The following ADAMTSL1 variants were observed in gnomAD, a reference collection of about 807,000 sequenced individuals.
The protein encoded by ADAMTSL1 is ADAMTS like 1, also known as ADAMTS-like protein 1.
A neutral mutation model predicts 201.8 loss-of-function variants in ADAMTSL1; 126 were observed. That is an observed-to-expected ratio of 0.62 (90% CI 0.54 to 0.72). The LOEUF is 0.72. Ranked by LOEUF, ADAMTSL1 falls within the 30% of genes least tolerant of loss-of-function variation. ADAMTSL1 has a pLI of 0.00. For missense variants in ADAMTSL1, 2,679 were observed against 2,277.8 expected (o/e 1.18, Z -3.59); for synonymous variants, 1,121 against 903.4 (o/e 1.24, Z -4.32).
At chr9:18,708,875 G>A (rs1832386398) in intron 14 of ADAMTSL1, among the ~76,000 whole-genome samples, 1 of 152,154 alleles carries the variant, frequency 6.6e-6, no homozygotes, top group Non-Finnish European at 1.5e-5. Flanking sequence ...TAACCATTCT[G>A]CTGACCAACC....
At chr9:18,028,354 A>G (rs563150092) in intron 1 of ADAMTSL1, among the ~76,000 whole-genome samples, 27 of 152,208 alleles carry the variant, frequency 1.8e-4, no homozygotes, top group Admixed American at 1.8e-3. Flanking sequence ...TAGTGGAAAC[A>G]AATTCACTTA....
intron 2 of ADAMTSL1, among the ~76,000 whole-genome samples, chr9:18,349,657 T>C (rs1835877663): frequency 6.6e-6 from 1 of 152,156 alleles, no homozygotes; most frequent in Non-Finnish European, 1.5e-5. Flanking sequence ...CTCTACCAGC[T>C]TTAGAAAATT....
intron 4 of ADAMTSL1, among the ~76,000 whole-genome samples, chr9:18,611,073 A>G (rs746718195): frequency 6.6e-6 from 1 of 152,170 alleles, no homozygotes; most frequent in Non-Finnish European, 1.5e-5. Context: ...ACCAGCTGCT[A>G]TCCTGTCTTC....
At chr9:18,702,077 G>C (rs547558483) in intron 13 of ADAMTSL1, among the ~76,000 whole-genome samples, 1 of 152,114 alleles carries the variant, frequency 6.6e-6, no homozygotes, top group Non-Finnish European at 1.5e-5. Context: ...AAGAGAGCTC[G>C]TGCAGAGAAA....
Position 17,976,053 on chromosome 9 carries a change from C to T in ADAMTSL1, c.87+69131C>T, listed in dbSNP as rs1818433498. On this transcript the variant is annotated intron_variant, in intron 1 of 29. Coordinates refer to the ADAMTSL1 transcript ENST00000680146. ...GTATATGTGTGAATTTATTTCTGGG[C>T]TCTCTGTCCATTCTGATCCTTTGGT... 2.6e-5 allele frequency among the ~76,000 whole-genome samples: 4 copies of T among 151,976 alleles called. No individual in the cohort carries two copies. In the South Asian group the frequency reaches 6.2e-4, roughly 24 times the overall value.
At chr9:18,137,920 C>G (rs1826226125) in intron 1 of ADAMTSL1, among the ~76,000 whole-genome samples, 1 of 152,072 alleles carries the variant, frequency 6.6e-6, no homozygotes, top group East Asian at 1.9e-4. Flanking sequence ...GTAAATCTTG[C>G]TAGGGAGAGT....
intron 19 of ADAMTSL1, among the ~76,000 whole-genome samples, chr9:18,794,864 A>T (rs1439252155): frequency 4.0e-5 from 6 of 150,610 alleles, no homozygotes; most frequent in East Asian, 2.0e-4. Flanking sequence ...CTGTTCTTGA[A>T]CTCCTGGTCT....
chr9:18,726,347 A>G (rs1306828880), intron 15 of ADAMTSL1, among the ~76,000 whole-genome samples: 1 of 152,046 alleles, frequency 6.6e-6, no homozygotes, highest in East Asian at 1.9e-4. Context: ...TATAAAAAAT[A>G]CAAAAATTAG....
chr9:18,507,442 C>G (rs11789527), intron 2 of ADAMTSL1, among the ~76,000 whole-genome samples: 1 of 151,952 alleles, frequency 6.6e-6, no homozygotes, highest in African/African-American at 2.4e-5. Context: ...ATAATAATAC[C>G]AAATAAGTAT....
chr9:18,900,947 G>A (rs1829981617), intron 26 of ADAMTSL1, among the ~76,000 whole-genome samples: 1 of 152,064 alleles, frequency 6.6e-6, no homozygotes, highest in African/African-American at 2.4e-5. Context: ...CAAAGACTTG[G>A]TAATGTAAAA....
At chr9:18,141,630 G>A (rs1465566541) in intron 1 of ADAMTSL1, among the ~76,000 whole-genome samples, 1 of 152,122 alleles carries the variant, frequency 6.6e-6, no homozygotes, top group African/African-American at 2.4e-5. Context: ...CAAGGTTGGT[G>A]GCCTGCTCTT....
chr9:18,814,976 T>C (rs1229581511), intron 20 of ADAMTSL1, among the ~76,000 whole-genome samples: 1 of 152,156 alleles, frequency 6.6e-6, no homozygotes, highest in Non-Finnish European at 1.5e-5. Flanking sequence ...TCACTAATCT[T>C]CAGAGAAATG....
chr9:18,656,731 G>A (rs1010597174), intron 7 of ADAMTSL1, among the ~76,000 whole-genome samples: 1 of 151,286 alleles, frequency 6.6e-6, no homozygotes, highest in African/African-American at 2.4e-5. Flanking sequence ...TTGTTGTAAT[G>A]TAGAGTAAGA....
At chr9:18,452,128 G>T (rs936566777) in intron 2 of ADAMTSL1, among the ~76,000 whole-genome samples, 1 of 151,986 alleles carries the variant, frequency 6.6e-6, no homozygotes, top group African/African-American at 2.4e-5. Flanking sequence ...GGTCAGGCTG[G>T]TCTCAAACTC....
At chr9:18,622,745 A>C in intron 5 of ADAMTSL1, 1 of 363,704 alleles carries the variant, frequency 2.7e-6, no homozygotes, top group Non-Finnish European at 4.9e-6. Flanking sequence ...GATAGCACAA[A>C]TTCACTCCTG....
intron 1 of ADAMTSL1, among the ~76,000 whole-genome samples, chr9:17,927,250 T>G (rs1192438453): frequency 6.6e-6 from 1 of 152,158 alleles, no homozygotes; most frequent in Non-Finnish European, 1.5e-5. Flanking sequence ...CCTTCCTTTT[T>G]GGGGCTAAAT....
chr9:18,573,555 CT>C (rs1223435583), intron 3 of ADAMTSL1, among the ~76,000 whole-genome samples: 1 of 152,154 alleles, frequency 6.6e-6, no homozygotes, highest in Non-Finnish European at 1.5e-5. Flanking sequence ...TCCACAAAAA[CT>C]TTTTGAATGA....
chr9:18,351,083 G>C (rs1001423104), intron 2 of ADAMTSL1, among the ~76,000 whole-genome samples: 2 of 152,164 alleles, frequency 1.3e-5, no homozygotes, highest in African/African-American at 2.4e-5. Context: ...ATTGTAAAGA[G>C]ACATTAAATA....
At chr9:18,442,912 C>T (rs558593641) in intron 2 of ADAMTSL1, among the ~76,000 whole-genome samples, 1 of 152,290 alleles carries the variant, frequency 6.6e-6, no homozygotes, top group African/African-American at 2.4e-5. Flanking sequence ...CTACGACCTG[C>T]CACAAACCAG....
Sources: allele counts gnomAD v4.1 joint callset (sites outside exome capture counted in the v4.1 genomes callset), GRCh38; gene constraint gnomAD v4.1.1; transcripts MANE v1.5; gene names NCBI Gene and HGNC (gene_info 2026-07-23, HGNC 2026-07-21).